Variants in CD55 observed in about 807,000 individuals in gnomAD.
CD55 encodes the protein complement decay-accelerating factor.
A neutral mutation model predicts 45.8 loss-of-function variants in CD55; 41 were observed. The observed-to-expected ratio is 0.90, with a 90% CI of 0.70 to 1.16. The LOEUF is 1.16. CD55 is among the 50% of genes most tolerant of loss of function. The pLI is 0.00. For missense variants in CD55, 416 were observed against 469.8 expected (o/e 0.89, Z 1.06); for synonymous variants, 181 against 181.1 (o/e 1.00, Z 0.01).
At chr1:207,337,863 C>T (rs2102409460) in intron 8 of CD55, among the ~76,000 whole-genome samples, 1 of 152,048 alleles carries the variant, frequency 6.6e-6, no homozygotes, top group African/African-American at 2.4e-5. Context: ...TCAATAGTGT[C>T]GTCTAAGTAA....
Position 207,331,263 on chromosome 1 carries a change from G to A in CD55, c.820G>A (p.Gly274Arg), listed in dbSNP as rs150613728. The change falls in exon 6 of 10, where the codon GGA (glycine) becomes AGA (arginine). Residue 274 changes from glycine (G) to arginine (R), a missense_variant. Physicochemically the swap from Gly to Arg is moderately radical, Grantham distance 125. Around this residue, in one of 3 missense-constraint regions of CD55, gnomAD observed 182 missense variants for 201.4 expected, o/e 0.90. Coordinates refer to ENST00000367064, the MANE Select transcript of CD55 (RefSeq NM_000574.5). ...TTATTGTACTGTGAATAATGATGAA[G>A]GAGAGTGGAGTGGCCCACCACCTGA... ...SIYCTVNNDE[G>R]EWSGPPPECR... is the part of the protein sequence containing the mutation. The A allele has an allele frequency of 6.2e-6, 10 of 1,613,688 alleles. No individual in the cohort carries two copies. In the African/African-American group the frequency reaches 1.2e-4, roughly 19 times the overall value.
Position 207,322,537 on chromosome 1 carries a change from C to A in CD55, c.256C>A (p.Gln86Lys). 1 of 1,613,464 alleles carries A rather than the reference C, an allele frequency of 6.2e-7. No individual in the cohort carries two copies. The highest frequency in any genetic ancestry group is 1.1e-5 in the South Asian group (1 of 90,918). The change falls in exon 2 of 10, where the codon CAA becomes AAA. Residue 86 changes from glutamine (Q) to lysine (K), a missense_variant. Physicochemically the swap from Gln to Lys is moderately conservative, Grantham distance 53 (BLOSUM62 1). Around this residue, in one of 3 missense-constraint regions of CD55, gnomAD observed 111 missense variants for 163.4 expected, o/e 0.68. Transcript: ENST00000367064. ...KDSVICLKGS[Q>K]WSDIEEFCNR... Reference sequence around the variant, plus strand: ...CTCAGTGATCTGCCTTAAGGGCAGTCAATGGTCAGATATTGAAGAGTTCTG... The same window carrying A: ...CTCAGTGATCTGCCTTAAGGGCAGTAAATGGTCAGATATTGAAGAGTTCTG...
chr1:207,359,429 A>G lies in CD55; in HGVS notation c.1082-117A>G, dbSNP rs1453469841. The G allele has an allele frequency of 2.4e-5, 26 of 1,100,540 alleles. No individual in the cohort carries two copies. The Admixed American group carries it at 7.1e-4, about 30-fold the overall frequency. 68.2% of individuals were successfully genotyped at this position (1,100,540 alleles called of 1,614,324 possible). A position where few individuals can be genotyped will look rare whatever the true frequency, so the allele number is the denominator to read the frequency against. Reference sequence around the variant, plus strand: ...CATTATTTTTTTTGTTTTGCACCCCAAATTAACTGATTCTTTTTGGTGATT... The same window carrying G: ...CATTATTTTTTTTGTTTTGCACCCCGAATTAACTGATTCTTTTTGGTGATT... On this transcript the variant is annotated intron_variant, in intron 9 of 9. Coordinates refer to ENST00000367064, the MANE Select transcript of CD55 (RefSeq NM_000574.5).
At chr1:207,328,724 C>T (rs1385896306) in intron 5 of CD55, among the ~76,000 whole-genome samples, 2 of 152,176 alleles carry the variant, frequency 1.3e-5, no homozygotes, top group African/African-American at 2.4e-5. Context: ...ATCTTAACTC[C>T]CCACATCTCA....
intron 9 of CD55, chr1:207,340,392 T>C (rs1172245661): frequency 4.3e-6 from 2 of 459,892 alleles, no homozygotes; most frequent in African/African-American, 4.1e-5. Context: ...TTGAGACAGG[T>C]TCTCGTCCTG....
chr1:207,340,466 A>G (rs1655374176), intron 9 of CD55: 1 of 678,970 alleles, frequency 1.5e-6, no homozygotes, highest in South Asian at 1.6e-5. Flanking sequence ...CCTGGGTTCA[A>G]GCGATCCTTC....
chr1:207,348,970 T>C (rs1447082827), intron 9 of CD55, among the ~76,000 whole-genome samples: 2 of 152,196 alleles, frequency 1.3e-5, no homozygotes, highest in African/African-American at 4.8e-5. Context: ...ACTGTAGCCT[T>C]GTAATATAGT....
At position 207,359,803 on chromosome 1, in the gene CD55, C is replaced by A; in HGVS notation, c.*193C>A. The A allele has an allele frequency of 2.1e-6, 1 of 482,438 alleles. No individual in the cohort carries two copies. The highest frequency in any genetic ancestry group is 3.4e-6 in the Non-Finnish European group (1 of 295,502). 29.9% of individuals were successfully genotyped at this position (482,438 alleles called of 1,614,324 possible). ...CAGTCCTGGAATCACATTCTTAGCA[C>A]ACCTACACCTCTTGAAAATAGAACA... is the stretch of plus-strand genomic sequence containing the variant. On this transcript the variant is annotated 3_prime_UTR_variant, in exon 10 of 10. Transcript: ENST00000367064.
intron 9 of CD55, among the ~76,000 whole-genome samples, chr1:207,342,182 A>C (rs1655455220): frequency 6.6e-6 from 1 of 152,148 alleles, no homozygotes; most frequent in African/African-American, 2.4e-5. Context: ...TATCATTAAA[A>C]AAGAGGGACA....
Position 207,324,661 on chromosome 1 carries a change from G to C in CD55, c.389G>C (p.Arg130Pro). 6.2e-7 allele frequency: 1 copy of C among 1,612,624 alleles called. No homozygotes were observed. Among genetic ancestry groups the C allele is most frequent in the Non-Finnish European group, 8.5e-7 (1 of 1,179,112 alleles). ...GGTACTGTTGTGGAATATGAGTGCC[G>C]TCCAGGTTACAGAAGAGAACCTTCT... ...PVGTVVEYEC[R>P]PGYRREPSLS... is the part of the protein sequence containing the mutation. Residue 130 changes from arginine to proline, a missense_variant, in exon 3 of 10, where the codon CGT becomes CCT. Physicochemically the swap from Arg to Pro is moderately radical, Grantham distance 103. Transcript: ENST00000367064.
chr1:207,329,607 CT>C (rs979541144), intron 5 of CD55, among the ~76,000 whole-genome samples: 17 of 151,670 alleles, frequency 1.1e-4, no homozygotes, highest in Non-Finnish European at 2.2e-4. Context: ...CCATGTACCT[CT>C]TTTTTTTCTT....
intron 9 of CD55, among the ~76,000 whole-genome samples, chr1:207,339,784 T>C (rs1259819338): frequency 6.6e-6 from 1 of 152,204 alleles, no homozygotes; most frequent in African/African-American, 2.4e-5. Context: ...TTCCTTAATA[T>C]CAGCAAATAT....
At chr1:207,334,164 A>G (rs1655069452) in intron 6 of CD55, among the ~76,000 whole-genome samples, 1 of 152,150 alleles carries the variant, frequency 6.6e-6, no homozygotes, top group South Asian at 2.1e-4. Flanking sequence ...AAAAACTTCA[A>G]AGAAGCAACA....
chr1:207,322,339 C>T (rs1350145344), intron 1 of CD55, 43 bp from the exon 2 acceptor site: 1 of 1,531,818 alleles, frequency 6.5e-7, no homozygotes. Flanking sequence ...ACTGTGAGGA[C>T]ACTTGATAGT....
At chr1:207,348,775 ATCT>A (rs1655749096) in intron 9 of CD55, among the ~76,000 whole-genome samples, 1 of 152,132 alleles carries the variant, frequency 6.6e-6, no homozygotes, top group Non-Finnish European at 1.5e-5. Context: ...TCCATTTTCA[ATCT>A]TCTGCATATG....
intron 9 of CD55, chr1:207,354,240 G>T: frequency 7.7e-7 from 1 of 1,296,694 alleles, no homozygotes. Flanking sequence ...TTAAAATTAT[G>T]GCCTGAATCT....
At chr1:207,338,729 C>G (rs1199228821) in intron 8 of CD55, among the ~76,000 whole-genome samples, 1 of 152,076 alleles carries the variant, frequency 6.6e-6, no homozygotes, top group African/African-American at 2.4e-5. Flanking sequence ...AAAGTATCTT[C>G]AGATTGATTT....
At chr1:207,358,421 G>A (rs973404597) in intron 9 of CD55, 1 of 152,074 alleles carries the variant, frequency 6.6e-6, no homozygotes, top group African/African-American at 2.4e-5. Flanking sequence ...TTTAGTTTAG[G>A]GATGGAAGTG....
rs968586769 is a variant in CD55 at position 207,354,341 on chromosome 1, A to G, written c.1082-5205A>G. On this transcript the variant is annotated intron_variant, in intron 9 of 9. Coordinates refer to ENST00000367064, the MANE Select transcript of CD55 (RefSeq NM_000574.5). Reference sequence around the variant, plus strand: ...ATCTGGAAACAAGATATTAAGTGCAATTTAATAAATATTTGTTAAACACTT... The same window carrying G: ...ATCTGGAAACAAGATATTAAGTGCAGTTTAATAAATATTTGTTAAACACTT... 1.2e-5 allele frequency: 7 copies of G among 575,236 alleles called. No homozygotes were observed. The Admixed American group carries it at 4.4e-4, about 36-fold the overall frequency. The allele number at this position is 575,236 out of a possible 1,614,324, so 35.6% of individuals were successfully genotyped here.
Sources: gnomAD v4.1 joint callset for allele counts (sites outside exome capture counted in the v4.1 genomes callset) on GRCh38, gnomAD v4.1.1 for gene constraint, gnomAD v4.1.1 regional missense constraint, MANE v1.5 for transcripts, NCBI Gene and HGNC (gene_info 2026-07-23, HGNC 2026-07-21) for gene names.